TDRD10: variants seen among roughly 807,000 people sequenced by gnomAD.
TDRD10 encodes tudor domain-containing protein 10.
A neutral mutation model predicts 48.0 loss-of-function variants in TDRD10; 40 were observed. The observed-to-expected ratio is 0.83, with a 90% CI of 0.65 to 1.09. The LOEUF is 1.09. Among genes scored for constraint, TDRD10 ranks in the 50% least tolerant of loss-of-function variants. The probability of loss-of-function intolerance (pLI) is 0.00; values close to 1 mark genes in which losing one functional copy is unlikely to be tolerated. For synonymous variants in TDRD10, 162 were observed against 170.4 expected, an observed-to-expected ratio of 0.95 and a Z score of 0.38; for missense variants, 378 against 434.7, an observed-to-expected ratio of 0.87 and a Z score of 1.16.
intron 6 of TDRD10, among the ~76,000 whole-genome samples, chr1:154,538,856 G>C (rs1489009011): frequency 1.0e-5 from 1 of 99,896 alleles, no homozygotes; most frequent in Admixed American, 9.3e-5. Context: ...CCATCTCACG[G>C]TGCTTTGTTA....
intron 4 of TDRD10, among the ~76,000 whole-genome samples, chr1:154,518,298 T>A (rs1214290911): frequency 6.6e-6 from 1 of 152,240 alleles, no homozygotes; most frequent in Non-Finnish European, 1.5e-5. Context: ...TTTAAAAATA[T>A]TCTACAACAA....
intron 8 of TDRD10, 108 bp downstream of exon 8, chr1:154,542,929 G>A: frequency 2.4e-6 from 2 of 837,214 alleles, no homozygotes; most frequent in Non-Finnish European, 3.7e-6. Context: ...TAGTTTTCGG[G>A]AACTCCTGTG....
At chr1:154,524,816 C>A (rs1339993082) in intron 6 of TDRD10, among the ~76,000 whole-genome samples, 2 of 152,140 alleles carry the variant, frequency 1.3e-5, no homozygotes, top group Non-Finnish European at 2.9e-5. Flanking sequence ...GAGCCCTCTC[C>A]CCCACCTTCA....
intron 4 of TDRD10, among the ~76,000 whole-genome samples, chr1:154,509,460 G>C (rs1693324130): frequency 6.6e-6 from 1 of 152,168 alleles, no homozygotes; most frequent in Non-Finnish European, 1.5e-5. Context: ...CCATCTTGGA[G>C]ATGAGGCAGC....
At chr1:154,506,380 CT>C (rs35085696) in intron 1 of TDRD10, among the ~76,000 whole-genome samples, 65 of 145,106 alleles carry the variant, frequency 4.5e-4, no homozygotes, top group African/African-American at 1.1e-3. Flanking sequence ...ACGTCTCTCT[CT>C]TTTTTTTTTT....
intron 6 of TDRD10, 89 bp downstream of exon 6, chr1:154,521,568 C>G: frequency 7.0e-7 from 1 of 1,436,132 alleles, no homozygotes; most frequent in Non-Finnish European, 9.5e-7. Flanking sequence ...TCATCCTCCT[C>G]CAGTCCAGTC....
At position 154,544,407 on chromosome 1, in the gene TDRD10, C is replaced by G; in HGVS notation, c.687C>G (p.Thr229=). The G allele has an allele frequency of 1.9e-6, 3 of 1,599,208 alleles. No individual in the cohort carries two copies. In the East Asian group the frequency reaches 6.7e-5, roughly 36 times the overall value. ...LHQNMQALFS[T]LAQAEEQQPY... ...AGAACATGCAGGCTCTGTTTAGCAC[C>G]CTGGCTCAGGCGGAGGAGCAGCAGC... Residue 229 remains threonine, a synonymous_variant, in exon 10 of 13, where the codon ACC becomes ACG. Coordinates refer to ENST00000368482, the MANE Select transcript of TDRD10 (RefSeq NM_182499.4).
At chr1:154,545,305 A>G (rs1695487140) in intron 11 of TDRD10, among the ~76,000 whole-genome samples, 1 of 152,196 alleles carries the variant, frequency 6.6e-6, no homozygotes. Flanking sequence ...CTGGAAAAAG[A>G]TTCTGCCATA....
chr1:154,525,616 A>G (rs1157282809), intron 6 of TDRD10, among the ~76,000 whole-genome samples: 1 of 152,192 alleles, frequency 6.6e-6, no homozygotes, highest in Non-Finnish European at 1.5e-5. Context: ...ATTAATGGCC[A>G]GGCACGGTGG....
At chr1:154,539,109 C>G (rs1230928883) in intron 6 of TDRD10, among the ~76,000 whole-genome samples, 1 of 152,154 alleles carries the variant, frequency 6.6e-6, no homozygotes, top group Non-Finnish European at 1.5e-5. Flanking sequence ...TCCAGACAGC[C>G]TGACTCTTGA....
In TDRD10 at chr1:154,547,806, G is replaced by A; in HGVS notation, c.*96G>A. 1 of 1,516,978 alleles carries A rather than the reference G, an allele frequency of 6.6e-7. No homozygotes were observed. Among genetic ancestry groups the A allele is most frequent in the Non-Finnish European group, 9.1e-7 (1 of 1,097,808 alleles). 94.0% of individuals were successfully genotyped at this position (1,516,978 alleles called of 1,614,324 possible). On this transcript the variant is annotated 3_prime_UTR_variant, in exon 13 of 13. Coordinates refer to ENST00000368482, the MANE Select transcript of TDRD10 (RefSeq NM_182499.4). The stretch of plus-strand genomic sequence containing the variant: ...TACCCCTTTCACTCTTGAGGCCTGG[G>A]AGGTGAAAAAGGCCAGACTGTGCCC...
intron 4 of TDRD10, among the ~76,000 whole-genome samples, chr1:154,517,826 C>T (rs1011893182): frequency 2.6e-5 from 4 of 152,152 alleles, no homozygotes; most frequent in Admixed American, 1.3e-4. Flanking sequence ...CCGGCTTGTA[C>T]GCATATCGGT....
chr1:154,507,341 C>T lies in TDRD10; in HGVS notation c.82+21C>T, dbSNP rs1326108359. 23 of 1,612,912 alleles carry T rather than the reference C, an allele frequency of 1.4e-5. 1 individual carries two copies. Among genetic ancestry groups the T allele is most frequent in the South Asian group, 8.8e-5 (8 of 90,752 alleles). On this transcript the variant is annotated intron_variant, in intron 3 of 12. Coordinates refer to ENST00000368482, the MANE Select transcript of TDRD10 (RefSeq NM_182499.4). The stretch of plus-strand genomic sequence containing the variant: ...TCCAGGTAAGTTAGGCTGGGGGATT[C>T]GCTGGTGCTGGGACTCTCATCCTAC...
chr1:154,544,203 G>A lies in TDRD10; in HGVS notation c.651+93G>A, dbSNP rs1695419907. ...GGTGACGGGGCCGGTCAGTGGTGGA[G>A]ATGCAGGGTAACTACGGTCTGATCC... is the stretch of plus-strand genomic sequence containing the variant. On this transcript the variant is annotated intron_variant, in intron 9 of 12. Coordinates refer to ENST00000368482, the MANE Select transcript of TDRD10 (RefSeq NM_182499.4). 4.4e-6 allele frequency: 7 copies of A among 1,588,584 alleles called. No homozygotes were observed. In the South Asian group the frequency reaches 7.9e-5, roughly 18 times the overall value.
At chr1:154,503,567 G>A (rs978160994) in intron 1 of TDRD10, among the ~76,000 whole-genome samples, 1 of 152,200 alleles carries the variant, frequency 6.6e-6, no homozygotes, top group Admixed American at 6.5e-5. Flanking sequence ...CAGCCTGGGC[G>A]ACAGAGCGAG....
intron 6 of TDRD10, among the ~76,000 whole-genome samples, chr1:154,541,604 G>A (rs1695236319): frequency 6.6e-6 from 1 of 152,056 alleles, no homozygotes; most frequent in Admixed American, 6.5e-5. Flanking sequence ...GGGAGTGGCA[G>A]GGCACCCAGG....
At chr1:154,539,579 C>T (rs1196985747) in intron 6 of TDRD10, among the ~76,000 whole-genome samples, 1 of 152,222 alleles carries the variant, frequency 6.6e-6, no homozygotes, top group Non-Finnish European at 1.5e-5. Flanking sequence ...TCCCAAAGTG[C>T]TGGGATTACA....
At chr1:154,535,977 G>A (rs935920239) in intron 6 of TDRD10, among the ~76,000 whole-genome samples, 1 of 152,200 alleles carries the variant, frequency 6.6e-6, no homozygotes, top group African/African-American at 2.4e-5. Flanking sequence ...GTAAAATTGA[G>A]AGGAGCGGTA....
chr1:154,515,390 C>G (rs576705649), intron 4 of TDRD10, among the ~76,000 whole-genome samples: 1 of 152,178 alleles, frequency 6.6e-6, no homozygotes, highest in Non-Finnish European at 1.5e-5. Flanking sequence ...TCTTGGCCCC[C>G]CTCCACTCAG....
Sources: allele counts gnomAD v4.1 joint callset (sites outside exome capture counted in the v4.1 genomes callset), GRCh38; gene constraint gnomAD v4.1.1; transcripts MANE v1.5; gene names NCBI Gene and HGNC (gene_info 2026-07-23, HGNC 2026-07-21).